MKLN1: variants seen among roughly 807,000 people sequenced by gnomAD.
MKLN1 encodes the protein muskelin 1, also known as muskelin.
A neutral mutation model predicts 99.0 loss-of-function variants in MKLN1; 18 were observed. The ratio of observed to expected loss-of-function variants is 0.18; its 90% CI spans 0.13 to 0.27. MKLN1 has a LOEUF of 0.27. Ranked by LOEUF, MKLN1 falls within the 10% of genes least tolerant of loss-of-function variation. The pLI, the probability that MKLN1 is intolerant of heterozygous loss-of-function variation, is 1.00. For missense variants in MKLN1, 621 were observed against 875.9 expected, an observed-to-expected ratio of 0.71 and a Z score of 3.67; for synonymous variants, 288 against 293.2, an observed-to-expected ratio of 0.98 and a Z score of 0.18.
At chr7:131,135,838 T>C (rs1429733494) in intron 1 of MKLN1, among the ~76,000 whole-genome samples, 1 of 152,090 alleles carries the variant, frequency 6.6e-6, no homozygotes, top group African/African-American at 2.4e-5. Flanking sequence ...CGGGTAAAAG[T>C]CGGATAAATG....
chr7:131,383,935 C>T (rs1793926627), intron 2 of MKLN1, among the ~76,000 whole-genome samples: 1 of 152,214 alleles, frequency 6.6e-6, no homozygotes. Context: ...CTGTAATGCA[C>T]ATTGTGTGCA....
At chr7:131,414,760 C>T (rs763497978) in intron 8 of MKLN1, 50 bp downstream of exon 8, 13 of 1,105,104 alleles carry the variant, frequency 1.2e-5, no homozygotes, top group East Asian at 3.1e-5. Context: ...CTACAGGCAT[C>T]GTCTAAACCA....
At chr7:131,385,222 T>C (rs573045431) in intron 2 of MKLN1, among the ~76,000 whole-genome samples, 1 of 152,354 alleles carries the variant, frequency 6.6e-6, no homozygotes, top group African/African-American at 2.4e-5. Context: ...AATACTACAT[T>C]GCACAGAAAT....
chr7:131,476,727 A>G (rs1268393813), intron 16 of MKLN1, among the ~76,000 whole-genome samples: 1 of 152,226 alleles, frequency 6.6e-6, no homozygotes. Flanking sequence ...CATTGAGGAA[A>G]TAGACAAACT....
chr7:131,314,412 T>G (rs1798625171), intron 3 of MKLN1, among the ~76,000 whole-genome samples: 1 of 151,974 alleles, frequency 6.6e-6, no homozygotes, highest in Non-Finnish European at 1.5e-5. Context: ...TGGGAGGAGG[T>G]TGAATCTCAT....
chr7:131,361,713 G>A (rs1006509570), intron 1 of MKLN1, among the ~76,000 whole-genome samples: 2 of 151,130 alleles, frequency 1.3e-5, no homozygotes, highest in African/African-American at 4.9e-5. Context: ...CTGATCTTAA[G>A]TGATGATCTT....
At chr7:131,364,182 T>A (rs1172965621) in intron 1 of MKLN1, among the ~76,000 whole-genome samples, 3 of 152,148 alleles carry the variant, frequency 2.0e-5, no homozygotes, top group Non-Finnish European at 4.4e-5. Flanking sequence ...GCATTTTGAA[T>A]TATAGTCTTT....
intron 3 of MKLN1, among the ~76,000 whole-genome samples, chr7:131,244,144 C>T (rs1362010092): frequency 1.1e-4 from 17 of 152,188 alleles, no homozygotes; most frequent in Admixed American, 1.1e-3. Context: ...TTTCCCTCTA[C>T]TCCCCAGGGA....
intron 3 of MKLN1, among the ~76,000 whole-genome samples, chr7:131,292,142 C>T (rs10224906): frequency 0.89 from 135,139 of 152,142 alleles, 60,073 homozygotes; most frequent in East Asian, 0.96. Context: ...CCTTACGAAC[C>T]CTCACTAGTC....
At chr7:131,121,364 A>G (rs1795366090) in intron 1 of MKLN1, among the ~76,000 whole-genome samples, 1 of 152,144 alleles carries the variant, frequency 6.6e-6, no homozygotes, top group Admixed American at 6.5e-5. Flanking sequence ...TCAGAAACAG[A>G]TGCAGCACCA....
chr7:131,358,726 C>T (rs1203391989), intron 1 of MKLN1, among the ~76,000 whole-genome samples: 1 of 152,130 alleles, frequency 6.6e-6, no homozygotes, highest in Non-Finnish European at 1.5e-5. Context: ...CTGGCATATT[C>T]AGAAGGTCGC....
At chr7:131,236,733 C>A (rs1346002641) in intron 3 of MKLN1, among the ~76,000 whole-genome samples, 1 of 152,002 alleles carries the variant, frequency 6.6e-6, no homozygotes, top group Non-Finnish European at 1.5e-5. Flanking sequence ...ACTTGTAATT[C>A]CAGTGCTTTG....
At chr7:131,444,635 G>A (rs1236090510) in intron 11 of MKLN1, among the ~76,000 whole-genome samples, 1 of 151,540 alleles carries the variant, frequency 6.6e-6, no homozygotes, top group Non-Finnish European at 1.5e-5. Flanking sequence ...CTACAGCCTT[G>A]AATGTCAGGG....
At chr7:131,266,532 T>C (rs1797811122) in intron 3 of MKLN1, among the ~76,000 whole-genome samples, 1 of 152,138 alleles carries the variant, frequency 6.6e-6, no homozygotes, top group African/African-American at 2.4e-5. Context: ...GAACAACGAA[T>C]CTGATCACTG....
At chr7:131,420,531 A>G (rs1403186802) in intron 8 of MKLN1, among the ~76,000 whole-genome samples, 1 of 152,230 alleles carries the variant, frequency 6.6e-6, no homozygotes, top group Non-Finnish European at 1.5e-5. Flanking sequence ...TAGACAAGTT[A>G]AGTCTGAGAT....
chr7:131,148,470 T>C (rs1795845070), intron 2 of MKLN1, among the ~76,000 whole-genome samples: 1 of 152,168 alleles, frequency 6.6e-6, no homozygotes, highest in Non-Finnish European at 1.5e-5. Context: ...TAATAAAAAT[T>C]ATTGGATTGA....
chr7:131,405,976 T>G (rs1054716179), intron 6 of MKLN1, among the ~76,000 whole-genome samples: 3 of 152,100 alleles, frequency 2.0e-5, no homozygotes, highest in Admixed American at 2.0e-4. Context: ...AATAAGAATT[T>G]TCTGTCTGAT....
chr7:131,281,209 C>CTTT (rs544553907), intron 3 of MKLN1, among the ~76,000 whole-genome samples: 1 of 142,960 alleles, frequency 7.0e-6, no homozygotes, highest in African/African-American at 2.5e-5. Flanking sequence ...TTGAGTTATT[C>CTTT]TTTTTTTTTT....
chr7:131,382,620 G>T (rs1459840679), intron 2 of MKLN1, among the ~76,000 whole-genome samples: 1 of 152,022 alleles, frequency 6.6e-6, no homozygotes, highest in Non-Finnish European at 1.5e-5. Flanking sequence ...TGCATCTGTG[G>T]TTTCCCCTTC....
Sources: gnomAD v4.1 joint callset for allele counts (sites outside exome capture counted in the v4.1 genomes callset) on GRCh38, gnomAD v4.1.1 for gene constraint, MANE v1.5 for transcripts, NCBI Gene and HGNC (gene_info 2026-07-23, HGNC 2026-07-21) for gene names.